KCNK13: variants seen among roughly 807,000 people sequenced by gnomAD.
The protein encoded by KCNK13 is potassium channel subfamily K member 13.
In KCNK13, 12 loss-of-function variants were observed where a neutral mutation model predicts 23.4. The ratio of observed to expected loss-of-function variants is 0.51; its 90% CI spans 0.33 to 0.83. KCNK13 has a LOEUF of 0.83. Ranked by LOEUF, KCNK13 falls within the 40% of genes least tolerant of loss-of-function variation. KCNK13 has a pLI of 0.02. For synonymous variants in KCNK13, 231 were observed against 229.5 expected (o/e 1.01, Z -0.06); for missense variants, 463 against 556.3 (o/e 0.83, Z 1.69).
At chr14:90,133,474 A>G (rs1366073022) in intron 1 of KCNK13, among the ~76,000 whole-genome samples, 1 of 152,168 alleles carries the variant, frequency 6.6e-6, no homozygotes, top group Non-Finnish European at 1.5e-5. Flanking sequence ...AGATGGTTGC[A>G]CAACTCTGAA....
intron 1 of KCNK13, among the ~76,000 whole-genome samples, chr14:90,071,119 C>T (rs1195830417): frequency 6.6e-6 from 1 of 152,108 alleles, no homozygotes; most frequent in Non-Finnish European, 1.5e-5. Flanking sequence ...AGAATGGCTT[C>T]CTTTTCTTTT....
At chr14:90,065,536 G>A (rs1008744766) in intron 1 of KCNK13, among the ~76,000 whole-genome samples, 1 of 152,182 alleles carries the variant, frequency 6.6e-6, no homozygotes, top group Non-Finnish European at 1.5e-5. Flanking sequence ...TATTAAGGCA[G>A]GTGCCACAGT....
intron 1 of KCNK13, among the ~76,000 whole-genome samples, chr14:90,116,418 G>T (rs1055964874): frequency 6.6e-6 from 1 of 152,164 alleles, no homozygotes; most frequent in Non-Finnish European, 1.5e-5. Flanking sequence ...ATAAACTATC[G>T]CACAGTTATA....
intron 1 of KCNK13, among the ~76,000 whole-genome samples, chr14:90,077,773 G>A (rs1468807257): frequency 6.6e-6 from 1 of 152,048 alleles, no homozygotes; most frequent in East Asian, 1.9e-4. Context: ...GTATCTTATT[G>A]TGATCTCTCT....
intron 1 of KCNK13, among the ~76,000 whole-genome samples, chr14:90,147,449 C>T (rs1234163355): frequency 1.3e-5 from 2 of 151,536 alleles, no homozygotes; most frequent in African/African-American, 4.9e-5. Context: ...CTTTCTTTCC[C>T]TCCTGGTTTG....
Position 90,062,319 on chromosome 14 carries a change from C to T in KCNK13, c.114C>T (p.Phe38=). The T allele has an allele frequency of 6.4e-7, 1 of 1,555,566 alleles. No individual in the cohort carries two copies. Among genetic ancestry groups the T allele is most frequent in the Non-Finnish European group, 8.6e-7 (1 of 1,156,976 alleles). The stretch of plus-strand genomic sequence containing the variant: ...ACCTGCTGGGCGGCGCCGCCGTCTT[C>T]TCCGCGCTGGAGCTGGCGCACGAGC... The part of the protein sequence containing the change: ...VLYLLGGAAV[F]SALELAHERQ... The change falls in exon 1 of 2, where the codon TTC becomes TTT. Residue 38 remains phenylalanine, a synonymous_variant. Coordinates refer to ENST00000282146, the MANE Select transcript of KCNK13 (RefSeq NM_022054.4). This position sits in a 1 kb window ranked among gnomAD's most constrained non-coding sequence, Gnocchi z 4.5.
intron 1 of KCNK13, among the ~76,000 whole-genome samples, chr14:90,076,820 A>AT (rs985682521): frequency 2.7e-5 from 4 of 150,902 alleles, no homozygotes; most frequent in Admixed American, 6.6e-5. Flanking sequence ...TTAAAAAAAA[A>AT]TTTTTTTTTT....
At chr14:90,109,277 T>C (rs1889585101) in intron 1 of KCNK13, among the ~76,000 whole-genome samples, 1 of 152,130 alleles carries the variant, frequency 6.6e-6, no homozygotes, top group Non-Finnish European at 1.5e-5. Context: ...TTAATTTCTT[T>C]TCTAATAAAA....
At chr14:90,103,724 G>C (rs1014744789) in intron 1 of KCNK13, among the ~76,000 whole-genome samples, 1 of 151,970 alleles carries the variant, frequency 6.6e-6, no homozygotes, top group Admixed American at 6.5e-5. Context: ...TACCTTCCCC[G>C]GCTAATTTTT....
chr14:90,137,708 G>T (rs758908492), intron 1 of KCNK13, among the ~76,000 whole-genome samples: 1 of 152,204 alleles, frequency 6.6e-6, no homozygotes, highest in Non-Finnish European at 1.5e-5. Flanking sequence ...GGAAATAAAT[G>T]AGATGTAAAA....
intron 1 of KCNK13, among the ~76,000 whole-genome samples, chr14:90,170,300 A>G (rs2140443131): frequency 6.6e-6 from 1 of 151,946 alleles, no homozygotes; most frequent in South Asian, 2.1e-4. Context: ...TGCAACCTCC[A>G]CCTCCCAGGT....
At chr14:90,170,388 A>T (rs1023682028) in intron 1 of KCNK13, among the ~76,000 whole-genome samples, 6 of 151,936 alleles carry the variant, frequency 3.9e-5, no homozygotes, top group African/African-American at 1.2e-4. Context: ...TAATTTTTGT[A>T]TTTTTAGTAA....
At chr14:90,090,167 A>G (rs547849850) in intron 1 of KCNK13, among the ~76,000 whole-genome samples, 1 of 152,230 alleles carries the variant, frequency 6.6e-6, no homozygotes, top group African/African-American at 2.4e-5. Context: ...GTGCCTGGAA[A>G]AGCCAGACAA....
chr14:90,064,685 CT>C (rs1266532438), intron 1 of KCNK13, among the ~76,000 whole-genome samples: 3 of 152,214 alleles, frequency 2.0e-5, no homozygotes, highest in Admixed American at 6.5e-5. Flanking sequence ...AAGCCTGCCC[CT>C]GTCACAGGGT....
At position 90,135,077 on chromosome 14, in the gene KCNK13, C is replaced by G. The variant is rs1207818946; in HGVS notation, c.335-49034C>G. Among the ~76,000 whole-genome samples, 8 of 152,190 alleles carry G rather than the reference C, an allele frequency of 5.3e-5. No homozygotes were observed. In the East Asian group the frequency reaches 1.5e-3, roughly 29 times the overall value. The stretch of plus-strand genomic sequence containing the variant: ...CTTTACATTGCACGTTGTTAAATCG[C>G]AGAGAACTGGGCCTAGTGGCCCACT... On this transcript the variant is annotated intron_variant, in intron 1 of 1. Transcript: ENST00000282146.
At chr14:90,168,428 T>C (rs1187334689) in intron 1 of KCNK13, among the ~76,000 whole-genome samples, 1 of 152,038 alleles carries the variant, frequency 6.6e-6, no homozygotes, top group Non-Finnish European at 1.5e-5. Flanking sequence ...TTGTTATCCT[T>C]TGCTGGGTTT....
chr14:90,101,624 A>C (rs1889477818), intron 1 of KCNK13, among the ~76,000 whole-genome samples: 1 of 151,378 alleles, frequency 6.6e-6, no homozygotes, highest in African/African-American at 2.4e-5. Context: ...CCCCATCTCT[A>C]CTAAAATACA....
intron 1 of KCNK13, among the ~76,000 whole-genome samples, chr14:90,168,171 CGAAG>C (rs1450284584): frequency 2.6e-5 from 4 of 152,026 alleles, no homozygotes; most frequent in African/African-American, 9.7e-5. Context: ...GCCAGGAAGT[CGAAG>C]CCAGCCTGGA....
intron 1 of KCNK13, among the ~76,000 whole-genome samples, chr14:90,120,321 A>G (rs1889723948): frequency 1.3e-5 from 2 of 152,200 alleles, no homozygotes; most frequent in Non-Finnish European, 2.9e-5. Flanking sequence ...GAGGATGACC[A>G]AGTCTCCCCA....
Sources: allele counts gnomAD v4.1 joint callset (sites outside exome capture counted in the v4.1 genomes callset), GRCh38; gene constraint gnomAD v4.1.1; non-coding constraint Gnocchi (gnomAD v3.1); transcripts MANE v1.5; gene names NCBI Gene and HGNC (gene_info 2026-07-23, HGNC 2026-07-21).